Variants in MARCHF1 observed in about 807,000 individuals in gnomAD.
The protein encoded by MARCHF1 is membrane associated ring-CH-type finger 1, also known as E3 ubiquitin-protein ligase MARCHF1.
A neutral mutation model predicts 54.2 loss-of-function variants in MARCHF1; 40 were observed. The ratio of observed to expected loss-of-function variants is 0.74; its 90% confidence interval spans 0.57 to 0.96. The LOEUF (loss-of-function observed/expected upper bound fraction) is 0.96. Among genes scored for constraint, MARCHF1 ranks in the 40% least tolerant of loss-of-function variants. The probability of loss-of-function intolerance (pLI) is 0.00; values close to 1 mark genes in which losing one functional copy is unlikely to be tolerated. For synonymous variants in MARCHF1, 236 were observed against 236.3 expected (o/e 1.00, Z 0.01); for missense variants, 586 against 656.5 (o/e 0.89, Z 1.17).
chr4:164,372,490 T>C (rs905677244), intron 1 of MARCHF1, among the ~76,000 whole-genome samples: 3 of 152,180 alleles, frequency 2.0e-5, no homozygotes, highest in African/African-American at 7.2e-5. Context: ...TGGGAGAGAA[T>C]TGAAGGGGAG....
At chr4:163,935,702 CTTTT>C (rs34331599) in intron 3 of MARCHF1, among the ~76,000 whole-genome samples, 15,113 of 125,824 alleles carry the variant, frequency 0.12, 1,655 homozygotes, top group East Asian at 0.37. Context: ...TGCTTGCTTT[CTTTT>C]TTTTTTTTTT....
chr4:164,176,972 CTCTCTCTCTATATATATATA>C (rs1353156644), intron 1 of MARCHF1, among the ~76,000 whole-genome samples: 1 of 56,834 alleles, frequency 1.8e-5, no homozygotes, highest in South Asian at 7.1e-4. Flanking sequence ...CTCTCTCTCT[CTCTCTCTCTATATATATATA>C]TATATATATA....
intron 1 of MARCHF1, among the ~76,000 whole-genome samples, chr4:164,221,501 T>G (rs1732112436): frequency 6.6e-6 from 1 of 151,914 alleles, no homozygotes; most frequent in South Asian, 2.1e-4. Context: ...ACATAAAAGA[T>G]AAATAAAAAA....
At chr4:163,955,389 T>C (rs1429548319) in intron 3 of MARCHF1, among the ~76,000 whole-genome samples, 1 of 151,094 alleles carries the variant, frequency 6.6e-6, no homozygotes, top group African/African-American at 2.4e-5. Flanking sequence ...AAAAAAACTT[T>C]AATGACTCTC....
intron 8 of MARCHF1, among the ~76,000 whole-genome samples, chr4:163,574,012 G>A (rs1180567688): frequency 1.3e-5 from 2 of 151,990 alleles, no homozygotes; most frequent in Non-Finnish European, 2.9e-5. Flanking sequence ...ATTCTAACTG[G>A]TGTGAGATGA....
chr4:163,971,550 G>A (rs1408740216), intron 3 of MARCHF1, among the ~76,000 whole-genome samples: 1 of 152,188 alleles, frequency 6.6e-6, no homozygotes, highest in Non-Finnish European at 1.5e-5. Flanking sequence ...GAAAGACTAA[G>A]GTGGGAATGG....
At chr4:164,216,208 A>T (rs1731925732) in intron 1 of MARCHF1, among the ~76,000 whole-genome samples, 1 of 152,198 alleles carries the variant, frequency 6.6e-6, no homozygotes, top group Non-Finnish European at 1.5e-5. Flanking sequence ...TTGGCCATTT[A>T]TTTGCCCTCA....
At chr4:163,558,623 A>G (rs1739371277) in intron 8 of MARCHF1, among the ~76,000 whole-genome samples, 1 of 152,240 alleles carries the variant, frequency 6.6e-6, no homozygotes, top group Non-Finnish European at 1.5e-5. Flanking sequence ...GATGAGCTGC[A>G]GGCACTTGCA....
chr4:163,859,656 C>T (rs182135934), intron 3 of MARCHF1, among the ~76,000 whole-genome samples: 40 of 152,156 alleles, frequency 2.6e-4, no homozygotes, highest in African/African-American at 8.2e-4. Flanking sequence ...CCACTGTGCC[C>T]GGGCGAGAAA....
chr4:163,649,191 A>C (rs1404098401), intron 5 of MARCHF1, among the ~76,000 whole-genome samples: 1 of 152,012 alleles, frequency 6.6e-6, no homozygotes, highest in Non-Finnish European at 1.5e-5. Context: ...ATTAGACTGG[A>C]TATTCCATTA....
chr4:164,329,457 T>C (rs1390568272), intron 1 of MARCHF1, among the ~76,000 whole-genome samples: 1 of 152,186 alleles, frequency 6.6e-6, no homozygotes, highest in Non-Finnish European at 1.5e-5. Context: ...AAAAAGGTCA[T>C]GCTTATATCA....
At chr4:163,680,361 T>C (rs1395159588) in intron 5 of MARCHF1, among the ~76,000 whole-genome samples, 1 of 152,270 alleles carries the variant, frequency 6.6e-6, no homozygotes, top group East Asian at 1.9e-4. Context: ...TCCCTCTTGT[T>C]TGTGACACTA....
At chr4:164,128,199 A>G (rs1467558137) in intron 1 of MARCHF1, among the ~76,000 whole-genome samples, 1 of 152,162 alleles carries the variant, frequency 6.6e-6, no homozygotes, top group African/African-American at 2.4e-5. Context: ...GAATGAATAC[A>G]CAAGAAGAAA....
chr4:163,763,223 A>G (rs1316756084), intron 4 of MARCHF1, among the ~76,000 whole-genome samples: 3 of 152,088 alleles, frequency 2.0e-5, no homozygotes, highest in Non-Finnish European at 4.4e-5. Context: ...AATCCCCTGG[A>G]GAGGTAAACG....
intron 2 of MARCHF1, among the ~76,000 whole-genome samples, chr4:164,046,827 T>G (rs1285157437): frequency 6.6e-6 from 1 of 152,154 alleles, no homozygotes; most frequent in East Asian, 1.9e-4. Context: ...GGATGAGAAC[T>G]CAGAGAAGTT....
chr4:163,644,470 C>G (rs1459241892), intron 5 of MARCHF1, among the ~76,000 whole-genome samples: 1 of 152,164 alleles, frequency 6.6e-6, no homozygotes, highest in Admixed American at 6.5e-5. Context: ...GGTCTGAGAT[C>G]AGTTCTGTTA....
chr4:164,257,210 C>T (rs543889656), intron 1 of MARCHF1, among the ~76,000 whole-genome samples: 1 of 152,180 alleles, frequency 6.6e-6, no homozygotes, highest in Non-Finnish European at 1.5e-5. Context: ...GATGCAGAAG[C>T]TAAAGGTGCC....
chr4:163,671,170 A>G (rs887347481), intron 5 of MARCHF1, among the ~76,000 whole-genome samples: 1 of 152,234 alleles, frequency 6.6e-6, no homozygotes, highest in Admixed American at 6.5e-5. Flanking sequence ...GATGAGATGA[A>G]TGAAAACAAC....
intron 4 of MARCHF1, among the ~76,000 whole-genome samples, chr4:163,762,009 G>A (rs1746839760): frequency 6.6e-6 from 1 of 152,078 alleles, no homozygotes; most frequent in Admixed American, 6.6e-5. Context: ...TTTTATTTAA[G>A]TAATGGAAAA....
Sources: allele counts gnomAD v4.1 joint callset (sites outside exome capture counted in the v4.1 genomes callset), GRCh38; gene constraint gnomAD v4.1.1; transcripts MANE v1.5; gene names NCBI Gene and HGNC (gene_info 2026-07-23, HGNC 2026-07-21).